Variants in PDE3B observed in about 807,000 individuals in gnomAD.
The protein encoded by PDE3B is cGMP-inhibited 3',5'-cyclic phosphodiesterase 3B.
A neutral mutation model predicts 116.8 loss-of-function variants in PDE3B; 66 were observed. The observed-to-expected ratio is 0.56, with a 90% confidence interval of 0.46 to 0.69. The LOEUF is 0.69. PDE3B is among the 30% of genes least tolerant of loss of function. PDE3B has a pLI of 0.00. For synonymous variants in PDE3B, 595 were observed against 533.6 expected (o/e 1.12, Z -1.59); for missense variants, 1,384 against 1,368.1 (o/e 1.01, Z -0.18).
At position 14,644,233 on chromosome 11, in the gene PDE3B, G is replaced by A; in HGVS notation, c.158G>A (p.Arg53His). ...PPRGFFFHLC[R>H]FCNVELRPPP... is the part of the protein sequence containing the mutation. Reference sequence around the variant, plus strand: ...CGCGGCTTCTTCTTCCACCTCTGCCGCTTCTGCAACGTGGAGCTGCGGCCG... The same window carrying A: ...CGCGGCTTCTTCTTCCACCTCTGCCACTTCTGCAACGTGGAGCTGCGGCCG... Residue 53 changes from arginine (R) to histidine (H), a missense_variant, in exon 1 of 16, where the codon CGC becomes CAC. This residue lies in a region of PDE3B where 956 missense variants were observed against 806.8 expected (regional missense o/e 1.18). Coordinates refer to ENST00000282096, the MANE Select transcript of PDE3B (RefSeq NM_000922.4). 1 of 1,585,964 alleles carries A rather than the reference G, an allele frequency of 6.3e-7. No homozygotes were observed. The highest frequency in any genetic ancestry group is 8.5e-7 in the Non-Finnish European group (1 of 1,173,122).
downstream of PDE3B, among the ~76,000 whole-genome samples, chr11:14,874,579 T>A (rs1312010785): frequency 5.3e-5 from 8 of 152,324 alleles, no homozygotes; most frequent in South Asian, 1.7e-3. Context: ...TTGTACATAT[T>A]CTTATTTCCC....
intron 1 of PDE3B, among the ~76,000 whole-genome samples, chr11:14,762,613 C>T (rs913015941): frequency 2.6e-5 from 4 of 152,072 alleles, no homozygotes; most frequent in African/African-American, 9.7e-5. Flanking sequence ...GTGACTTAAG[C>T]TTTAAGAGGG....
In PDE3B at chr11:14,723,913, A is replaced by G. The variant is rs140543212; in HGVS notation, c.979-48024A>G. Among the ~76,000 whole-genome samples, 6 of 152,350 alleles carry G rather than the reference A, an allele frequency of 3.9e-5. No homozygotes were observed. In the East Asian group the frequency reaches 1.2e-3, roughly 29 times the overall value. On this transcript the variant is annotated intron_variant, in intron 1 of 15. Transcript: ENST00000282096. ...GGCTGGAAAGATATGCATGGGCCAG[A>G]CTAGCAAGGCCTTGGAAGGTGATGT...
intron 1 of PDE3B, among the ~76,000 whole-genome samples, chr11:14,710,606 C>G (rs1590079452): frequency 6.6e-6 from 1 of 152,138 alleles, no homozygotes; most frequent in Admixed American, 6.5e-5. Flanking sequence ...AAGCCACTGG[C>G]AACTACCATC....
At chr11:14,865,385 G>T (rs1246702458) in intron 14 of PDE3B, among the ~76,000 whole-genome samples, 2 of 151,968 alleles carry the variant, frequency 1.3e-5, no homozygotes, top group Non-Finnish European at 2.9e-5. Context: ...ATCCTTGTTG[G>T]CCCTAATTAT....
the PDE3B span, among the ~76,000 whole-genome samples, chr11:14,897,134 T>C: frequency 6.6e-6 from 1 of 152,208 alleles, no homozygotes; most frequent in African/African-American, 2.4e-5. Flanking sequence ...AACATCCTTA[T>C]CAAAGATTAA....
the PDE3B span, chr11:14,880,762 A>C: frequency 6.2e-7 from 1 of 1,606,754 alleles, no homozygotes. Context: ...TCTGGAATTG[A>C]GTAAGCCTGA....
the PDE3B span, among the ~76,000 whole-genome samples, chr11:14,894,250 A>G: frequency 2.0e-5 from 3 of 152,210 alleles, no homozygotes; most frequent in Admixed American, 2.0e-4. Context: ...TAATTGTGAG[A>G]GATCATTACT....
chr11:14,874,820 T>C (rs979060974), downstream of PDE3B, among the ~76,000 whole-genome samples: 1 of 152,176 alleles, frequency 6.6e-6, no homozygotes, highest in Non-Finnish European at 1.5e-5. Context: ...TATGCCACCA[T>C]TGTCTTAGTT....
chr11:14,698,167 T>C (rs1418184825), intron 1 of PDE3B, among the ~76,000 whole-genome samples: 1 of 151,908 alleles, frequency 6.6e-6, no homozygotes, highest in Admixed American at 6.6e-5. Context: ...ATTACTATTA[T>C]TTTTGGTAAT....
At chr11:14,695,820 T>C (rs1185588688) in intron 1 of PDE3B, among the ~76,000 whole-genome samples, 4 of 152,130 alleles carry the variant, frequency 2.6e-5, no homozygotes, top group Non-Finnish European at 5.9e-5. Context: ...TCCAGCTTCA[T>C]CCATGTCCCT....
intron 4 of PDE3B, among the ~76,000 whole-genome samples, chr11:14,795,586 A>G (rs1412085648): frequency 6.6e-6 from 1 of 152,196 alleles, no homozygotes; most frequent in Admixed American, 6.5e-5. Flanking sequence ...TGTATGATAT[A>G]CTGAAATTAT....
Position 14,834,990 on chromosome 11 carries a change from CG to C in PDE3B, c.2216del (p.Arg739LeufsTer14). 1.2e-6 allele frequency: 2 copies of C among 1,605,210 alleles called. No individual in the cohort carries two copies. Among genetic ancestry groups the C allele is most frequent in the Non-Finnish European group, 1.7e-6 (2 of 1,174,184 alleles). ...CGTTTTGGTGACTTTAGATCACAAT[CG>C]TATACATGCCACAGATGTGCTACAT... The part of the protein sequence containing the change: ...NGYRDIPYHN[R>X]IHATDVLHAV... On this transcript the variant is annotated frameshift_variant, in exon 11 of 16. Coordinates refer to ENST00000282096, the MANE Select transcript of PDE3B (RefSeq NM_000922.4). LOFTEE classifies it high-confidence loss of function.
At position 14,681,469 on chromosome 11, in the gene PDE3B, T is replaced by C. The variant is rs1854705076; in HGVS notation, c.978+36416T>C. Among the ~76,000 whole-genome samples the C allele has an allele frequency of 2.0e-5, 3 of 152,174 alleles. No homozygotes were observed. In the South Asian group the frequency reaches 6.2e-4, roughly 31 times the overall value. On this transcript the variant is annotated intron_variant, in intron 1 of 15. Coordinates refer to ENST00000282096, the MANE Select transcript of PDE3B (RefSeq NM_000922.4). Reference sequence around the variant, plus strand: ...GGAGAGTTTCCCTGTACAAATTCTCTCTTGCCATGAGTGTGAGGACTTCCC... The same window carrying C: ...GGAGAGTTTCCCTGTACAAATTCTCCCTTGCCATGAGTGTGAGGACTTCCC...
At chr11:14,737,624 TTTA>T (rs988913246) in intron 1 of PDE3B, among the ~76,000 whole-genome samples, 1 of 152,204 alleles carries the variant, frequency 6.6e-6, no homozygotes, top group African/African-American at 2.4e-5. Context: ...AACCATTTTT[TTTA>T]TTATTATACT....
chr11:14,692,924 G>A (rs540919991), intron 1 of PDE3B, among the ~76,000 whole-genome samples: 2 of 152,290 alleles, frequency 1.3e-5, no homozygotes, highest in East Asian at 3.9e-4. Flanking sequence ...ACACCAAAAT[G>A]CTAGGCTTCT....
At chr11:14,825,164 C>A (rs1437548486) in intron 7 of PDE3B, among the ~76,000 whole-genome samples, 5 of 152,052 alleles carry the variant, frequency 3.3e-5, no homozygotes, top group African/African-American at 1.2e-4. Flanking sequence ...AAGGAAGAAC[C>A]ATTACCAGGC....
chr11:14,664,910 C>T (rs1295675561), intron 1 of PDE3B, among the ~76,000 whole-genome samples: 1 of 152,204 alleles, frequency 6.6e-6, no homozygotes, highest in Admixed American at 6.5e-5. Flanking sequence ...CTCCCTAACT[C>T]ATTTTATGAG....
In PDE3B at chr11:14,748,305, G is replaced by A. The variant is rs192079848; in HGVS notation, c.979-23632G>A. On this transcript the variant is annotated intron_variant, in intron 1 of 15. Transcript: ENST00000282096. ...TAGCTGTTTATGTTTCAGATTGGCTGCAGCTGTTTTGATTTGAGGCAGATG... is the reference window on the plus strand; with the variant it reads ...TAGCTGTTTATGTTTCAGATTGGCTACAGCTGTTTTGATTTGAGGCAGATG... Among the ~76,000 whole-genome samples, 212 of 152,304 alleles carry A rather than the reference G, an allele frequency of 1.4e-3. 1 individual carries two copies. The highest frequency in any genetic ancestry group is 2.7e-3 in the Non-Finnish European group (181 of 68,018).
Sources: gnomAD v4.1 joint callset for allele counts (sites outside exome capture counted in the v4.1 genomes callset) on GRCh38, gnomAD v4.1.1 for gene constraint, gnomAD v4.1.1 regional missense constraint, MANE v1.5 for transcripts, NCBI Gene and HGNC (gene_info 2026-07-23, HGNC 2026-07-21) for gene names.